The following SLC2A9 variants were observed in gnomAD, a reference collection of about 807,000 sequenced individuals.
SLC2A9 encodes solute carrier family 2 member 9.
SLC2A9 carries 39 observed loss-of-function variants against 50.6 expected under a neutral mutation model. The observed-to-expected ratio is 0.77, with a 90% confidence interval of 0.60 to 1.01. The LOEUF is 1.01. SLC2A9 is among the 50% of genes least tolerant of loss of function. The pLI, the probability that SLC2A9 is intolerant of heterozygous loss-of-function variation, is 0.00. For synonymous variants in SLC2A9, 324 were observed against 276.9 expected (o/e 1.17, Z -1.69); for missense variants, 686 against 677.6 (o/e 1.01, Z -0.14).
chr4:9,925,060 G>T (rs768045602), intron 6 of SLC2A9, among the ~76,000 whole-genome samples: 1 of 152,118 alleles, frequency 6.6e-6, no homozygotes, highest in Non-Finnish European at 1.5e-5. Context: ...CTCCTCCCAC[G>T]GTCCCTGTGG....
In SLC2A9 at chr4:9,907,479, A is replaced by T. The variant is rs138601330; in HGVS notation, c.1113+756T>A. 1.1e-3 allele frequency among the ~76,000 whole-genome samples: 162 copies of T among 152,328 alleles called. 1 individual carries two copies. Among genetic ancestry groups the T allele is most frequent in the African/African-American group, 3.7e-3 (155 of 41,580 alleles). ...GTGAGGAGCTCTATGCCTTCTTTTG[A>T]ACATATTGGCTTATTATTAAGGTCT... is the stretch of plus-strand genomic sequence containing the variant. On this transcript the variant is annotated intron_variant, in intron 8 of 11. Coordinates refer to ENST00000264784, the MANE Select transcript of SLC2A9 (RefSeq NM_020041.3).
chr4:9,929,637 G>C (rs1236778029), intron 6 of SLC2A9, among the ~76,000 whole-genome samples: 1 of 152,238 alleles, frequency 6.6e-6, no homozygotes, highest in Non-Finnish European at 1.5e-5. Context: ...AGAGTGGGCA[G>C]AGGGAGGGTG....
At chr4:9,869,389 TCTACCTTTGCA>T (rs1044327086) in intron 10 of SLC2A9, among the ~76,000 whole-genome samples, 1 of 152,204 alleles carries the variant, frequency 6.6e-6, no homozygotes, top group African/African-American at 2.4e-5. Flanking sequence ...CTAATTTCTG[TCTACCTTTGCA>T]CTTTCACCAG....
Position 9,864,873 on chromosome 4 carries a change from G to A in SLC2A9, c.1291+22694C>T, listed in dbSNP as rs540949635. 7.2e-5 allele frequency among the ~76,000 whole-genome samples: 11 copies of A among 152,352 alleles called. No homozygotes were observed. In the Middle Eastern group the frequency reaches 0.017, roughly 236 times the overall value. On this transcript the variant is annotated intron_variant, in intron 10 of 11. Coordinates refer to ENST00000264784, the MANE Select transcript of SLC2A9 (RefSeq NM_020041.3). ...GGTTAAGTCGAGGATCTTCAGATAG[G>A]GAGATTATCCTTGATTATTCTGGTG...
chr4:10,010,984 T>G (rs758213536), intron 2 of SLC2A9, among the ~76,000 whole-genome samples: 1 of 152,162 alleles, frequency 6.6e-6, no homozygotes, highest in Non-Finnish European at 1.5e-5. Flanking sequence ...CCTCCTACAA[T>G]CATAGGAAGT....
At chr4:9,867,405 C>A (rs879650895) in intron 10 of SLC2A9, among the ~76,000 whole-genome samples, 1 of 152,154 alleles carries the variant, frequency 6.6e-6, no homozygotes, top group Non-Finnish European at 1.5e-5. Context: ...TCAACTAACT[C>A]TTGAGTTTCT....
At chr4:9,801,147 G>A (rs952452577) in intron 3 of SLC2A9, among the ~76,000 whole-genome samples, 2 of 151,830 alleles carry the variant, frequency 1.3e-5, no homozygotes, top group Non-Finnish European at 2.9e-5. Flanking sequence ...AAAGACACAT[G>A]GCTCAGTCCC....
intron 9 of SLC2A9, among the ~76,000 whole-genome samples, chr4:9,889,435 C>T (rs1332323041): frequency 6.6e-6 from 1 of 152,198 alleles, no homozygotes; most frequent in African/African-American, 2.4e-5. Flanking sequence ...AGACAATGGC[C>T]TGGAACATCG....
intron 2 of SLC2A9, among the ~76,000 whole-genome samples, chr4:10,016,710 T>A (rs1034545012): frequency 1.3e-5 from 2 of 152,168 alleles, no homozygotes; most frequent in African/African-American, 4.8e-5. Flanking sequence ...ACAGTGAGCA[T>A]ATTAAATAAG....
chr4:10,020,633 A>G (rs998552781), intron 1 of SLC2A9, among the ~76,000 whole-genome samples: 1 of 152,072 alleles, frequency 6.6e-6, no homozygotes, highest in African/African-American at 2.4e-5. Flanking sequence ...CTTTAAACCT[A>G]TCCTCTGAGT....
intron 2 of SLC2A9, among the ~76,000 whole-genome samples, chr4:10,005,276 A>C (rs1760580161): frequency 6.6e-6 from 1 of 152,206 alleles, no homozygotes; most frequent in Non-Finnish European, 1.5e-5. Flanking sequence ...GGCAGAGTTA[A>C]CAGAATTCTT....
At chr4:9,819,981 G>T (rs544426589) in intron 3 of SLC2A9, among the ~76,000 whole-genome samples, 2 of 152,302 alleles carry the variant, frequency 1.3e-5, no homozygotes, top group Admixed American at 1.3e-4. Flanking sequence ...AAAGAACAAG[G>T]TTTTAAATTT....
At chr4:9,933,639 T>C (rs1746543439) in intron 6 of SLC2A9, among the ~76,000 whole-genome samples, 1 of 152,226 alleles carries the variant, frequency 6.6e-6, no homozygotes, top group Non-Finnish European at 1.5e-5. Context: ...ATGGTTGCCA[T>C]GTACCTAGCT....
intron 7 of SLC2A9, among the ~76,000 whole-genome samples, chr4:9,914,570 A>C (rs148295578): frequency 8.5e-4 from 130 of 152,246 alleles, no homozygotes; most frequent in African/African-American, 2.8e-3. Context: ...CTGGGCTTGA[A>C]GCTCTGGTCC....
chr4:9,929,163 A>C (rs937106782), intron 6 of SLC2A9, among the ~76,000 whole-genome samples: 2 of 152,234 alleles, frequency 1.3e-5, no homozygotes. Context: ...TTATTCATTT[A>C]ATTCTCGTAT....
downstream of SLC2A9, among the ~76,000 whole-genome samples, chr4:9,795,097 C>T (rs1282379097): frequency 1.3e-5 from 2 of 148,276 alleles, no homozygotes; most frequent in East Asian, 4.0e-4. Flanking sequence ...CTGCAACCTC[C>T]ATCTCCCGGG....
At chr4:9,809,959 C>T (rs191029639) in intron 3 of SLC2A9, among the ~76,000 whole-genome samples, 148 of 151,816 alleles carry the variant, frequency 9.7e-4, no homozygotes, top group African/African-American at 3.4e-3. Flanking sequence ...TAGGTGGGCA[C>T]CTGAAGCCCA....
chr4:9,848,683 A>G (rs1011405642), intron 10 of SLC2A9, among the ~76,000 whole-genome samples: 2 of 150,904 alleles, frequency 1.3e-5, no homozygotes, highest in Non-Finnish European at 2.9e-5. Context: ...AGATCTTTTA[A>G]GGATGAGTGG....
chr4:9,848,855 C>T (rs1729422135), intron 10 of SLC2A9, among the ~76,000 whole-genome samples: 1 of 152,102 alleles, frequency 6.6e-6, no homozygotes, highest in Non-Finnish European at 1.5e-5. Flanking sequence ...CAGGCACCCG[C>T]TACCACGCCC....
Sources: gnomAD v4.1 joint callset for allele counts (sites outside exome capture counted in the v4.1 genomes callset) on GRCh38, gnomAD v4.1.1 for gene constraint, MANE v1.5 for transcripts, NCBI Gene and HGNC (gene_info 2026-07-23, HGNC 2026-07-21) for gene names.